EEFSEC: variants seen among roughly 807,000 people sequenced by gnomAD.
The protein encoded by EEFSEC is eukaryotic elongation factor, selenocysteine-tRNA specific, also known as selenocysteine-specific elongation factor.
In EEFSEC, 43 loss-of-function variants were observed where a neutral mutation model predicts 42.1. That is an observed-to-expected ratio of 1.02 (90% CI 0.80 to 1.32). EEFSEC has a LOEUF of 1.32. Among genes scored for constraint, EEFSEC ranks in the 40% most tolerant of loss-of-function variants. The pLI, the probability that EEFSEC is intolerant of heterozygous loss-of-function variation, is 0.00. For missense variants in EEFSEC, 745 were observed against 803.6 expected (o/e 0.93, Z 0.88); for synonymous variants, 354 against 339.1 (o/e 1.04, Z -0.48).
intron 1 of EEFSEC, among the ~76,000 whole-genome samples, chr3:128,203,838 A>T (rs551645594): frequency 6.6e-6 from 1 of 152,354 alleles, no homozygotes; most frequent in African/African-American, 2.4e-5. Context: ...TTGAATATCA[A>T]GCTTGGCATT....
rs114435231 is a variant in EEFSEC at position 128,370,245 on chromosome 3, G to T, written c.1600+11872G>T. Among the ~76,000 whole-genome samples the T allele has an allele frequency of 2.3e-3, 355 of 152,336 alleles. 1 individual carries two copies. Among genetic ancestry groups the T allele is most frequent in the African/African-American group, 7.9e-3 (327 of 41,572 alleles). ...TCGGGGCCTTAGTGTGTCCTATCCGGATGTCTGCCCATCATAGGCAATGCT... is the reference window on the plus strand; with the variant it reads ...TCGGGGCCTTAGTGTGTCCTATCCGTATGTCTGCCCATCATAGGCAATGCT... On this transcript the variant is annotated intron_variant, in intron 6 of 6. Coordinates refer to ENST00000254730, the MANE Select transcript of EEFSEC (RefSeq NM_021937.5).
At chr3:128,306,805 A>G (rs1438663874) in intron 4 of EEFSEC, among the ~76,000 whole-genome samples, 1 of 152,256 alleles carries the variant, frequency 6.6e-6, no homozygotes, top group Non-Finnish European at 1.5e-5. Context: ...TGACTTAGGA[A>G]GGTGACTTTT....
rs139435840 is a variant in EEFSEC at position 128,256,367 on chromosome 3, G to A, written c.525-5761G>A. Among the ~76,000 whole-genome samples the A allele has an allele frequency of 9.7e-4, 147 of 152,286 alleles. 1 individual carries two copies. The highest frequency in any genetic ancestry group is 9.6e-3 in the East Asian group (50 of 5,190). ...TGGTTAATCAAAAAAGTCCCTTGAA[G>A]CAGAGAATCATAAAAAATGACACAT... On this transcript the variant is annotated intron_variant, in intron 2 of 6. Coordinates refer to ENST00000254730, the MANE Select transcript of EEFSEC (RefSeq NM_021937.5).
intron 2 of EEFSEC, among the ~76,000 whole-genome samples, chr3:128,255,078 C>T (rs541675443): frequency 1.3e-5 from 2 of 152,296 alleles, no homozygotes; most frequent in East Asian, 3.9e-4. Flanking sequence ...AGGAGGCAGC[C>T]TGATGGCAGA....
rs539386224 is a variant in EEFSEC, at chr3:128,218,921, T to C, written c.317-27915T>C. Among the ~76,000 whole-genome samples the C allele has an allele frequency of 3.9e-5, 6 of 152,342 alleles. No homozygotes were observed. In the East Asian group the frequency reaches 1.2e-3, roughly 29 times the overall value. On this transcript the variant is annotated intron_variant, in intron 1 of 6. Transcript: ENST00000254730. ...TCTTATGTCCTCCTTCAGTTAGGCA[T>C]TCCCTCAGAACTTTCAGCACATGGT...
chr3:128,397,234 A>T (rs936929019), intron 6 of EEFSEC, among the ~76,000 whole-genome samples: 9 of 151,792 alleles, frequency 5.9e-5, no homozygotes, highest in African/African-American at 2.2e-4. Context: ...GCTGCCCCCC[A>T]CCCATGGCAC....
chr3:128,377,345 C>T (rs911749789), intron 6 of EEFSEC, among the ~76,000 whole-genome samples: 1 of 152,138 alleles, frequency 6.6e-6, no homozygotes, highest in Non-Finnish European at 1.5e-5. Flanking sequence ...CGGGCTCAGA[C>T]AGAGCTTGGT....
chr3:128,190,668 G>T (rs983976093), intron 1 of EEFSEC, among the ~76,000 whole-genome samples: 2 of 152,182 alleles, frequency 1.3e-5, no homozygotes, highest in Non-Finnish European at 2.9e-5. Flanking sequence ...CTACAGGAGT[G>T]CAGAGTCATG....
chr3:128,306,059 GT>G (rs1446562761), intron 4 of EEFSEC, among the ~76,000 whole-genome samples: 1 of 151,966 alleles, frequency 6.6e-6, no homozygotes, highest in East Asian at 1.9e-4. Flanking sequence ...AAGTTGTTTG[GT>G]TTTTTTCCCC....
chr3:128,346,781 A>C (rs1374606022), intron 5 of EEFSEC, among the ~76,000 whole-genome samples: 1 of 152,246 alleles, frequency 6.6e-6, no homozygotes, highest in Non-Finnish European at 1.5e-5. Context: ...AGCCATAGAC[A>C]ATATGTAAAC....
At chr3:128,358,581 T>A (rs1013541535) in intron 6 of EEFSEC, among the ~76,000 whole-genome samples, 19 of 152,164 alleles carry the variant, frequency 1.2e-4, no homozygotes, top group African/African-American at 4.3e-4. Context: ...AGTGAAGATC[T>A]GGTCTGAGCA....
intron 4 of EEFSEC, among the ~76,000 whole-genome samples, chr3:128,279,990 C>G (rs1280397403): frequency 6.6e-6 from 1 of 152,228 alleles, no homozygotes; most frequent in Non-Finnish European, 1.5e-5. Flanking sequence ...TGGTGCAGAT[C>G]TATGTGGAAA....
chr3:128,196,672 A>G (rs1345790103), intron 1 of EEFSEC, among the ~76,000 whole-genome samples: 3 of 152,286 alleles, frequency 2.0e-5, no homozygotes, highest in South Asian at 2.1e-4. Flanking sequence ...TGAATACACA[A>G]TTTAAGTGTT....
the EEFSEC span, among the ~76,000 whole-genome samples, chr3:128,418,728 G>A: frequency 6.6e-6 from 1 of 152,062 alleles, no homozygotes; most frequent in Non-Finnish European, 1.5e-5. Flanking sequence ...TGTGGCCGGG[G>A]TGCCCTGACT....
intron 6 of EEFSEC, among the ~76,000 whole-genome samples, chr3:128,378,277 C>T (rs2067732978): frequency 6.6e-6 from 1 of 152,178 alleles, no homozygotes; most frequent in Non-Finnish European, 1.5e-5. Flanking sequence ...GAACCCAGAG[C>T]CCAGACCCAG....
At chr3:128,322,634 G>C (rs1193094661) in intron 4 of EEFSEC, among the ~76,000 whole-genome samples, 1 of 152,260 alleles carries the variant, frequency 6.6e-6, no homozygotes, top group Non-Finnish European at 1.5e-5. Flanking sequence ...ATGTGAGATT[G>C]TGAGCCGTTC....
At chr3:128,342,040 C>A in intron 5 of EEFSEC, 151 bp downstream of exon 5, 1 of 1,143,982 alleles carries the variant, frequency 8.7e-7, no homozygotes, top group Non-Finnish European at 1.2e-6. Context: ...ATCTGATGCC[C>A]AGAATGGTCA....
intron 4 of EEFSEC, among the ~76,000 whole-genome samples, chr3:128,272,249 C>T (rs1041564962): frequency 7.9e-5 from 12 of 152,194 alleles, no homozygotes; most frequent in African/African-American, 2.4e-4. Flanking sequence ...ATCACGCTAT[C>T]GAAGGATCCG....
intron 6 of EEFSEC, among the ~76,000 whole-genome samples, chr3:128,404,620 C>T (rs2068088221): frequency 6.6e-6 from 1 of 152,244 alleles, no homozygotes; most frequent in Non-Finnish European, 1.5e-5. Flanking sequence ...CAGATACCTA[C>T]AGGCCAGGCG....
Sources: allele counts gnomAD v4.1 joint callset (sites outside exome capture counted in the v4.1 genomes callset), GRCh38; gene constraint gnomAD v4.1.1; transcripts MANE v1.5; gene names NCBI Gene and HGNC (gene_info 2026-07-23, HGNC 2026-07-21).